Variants in FLT1 observed in about 807,000 individuals in gnomAD.
FLT1 encodes fms related receptor tyrosine kinase 1.
Under a neutral mutation model 156.3 loss-of-function variants are expected in FLT1, and 49 were observed. That is an observed-to-expected ratio of 0.31 (90% confidence interval 0.25 to 0.40). The LOEUF is 0.40. Among genes scored for constraint, FLT1 ranks in the 10% least tolerant of loss-of-function variants. FLT1 has a pLI of 1.00. For synonymous variants in FLT1, 594 were observed against 583.8 expected, an observed-to-expected ratio of 1.02 and a Z score of -0.25; for missense variants, 1,322 against 1,637.2, an observed-to-expected ratio of 0.81 and a Z score of 3.32.
chr13:28,374,427 AAAAAC>A (rs1873753340), intron 14 of FLT1, among the ~76,000 whole-genome samples: 1 of 152,054 alleles, frequency 6.6e-6, no homozygotes, highest in Non-Finnish European at 1.5e-5. Context: ...AAAACAAACA[AAAAAC>A]AAAACAAAAT....
At position 28,433,874 on chromosome 13, in the gene FLT1, G is replaced by T. The variant is rs777250910; in HGVS notation, c.758C>A (p.Thr253Asn). Residue 253 changes from threonine to asparagine, a missense_variant, in exon 6 of 30, where the codon ACT (threonine) becomes AAT (asparagine). Physicochemically the swap from Thr to Asn is moderately conservative, Grantham distance 65. Around this residue, in one of 3 missense-constraint regions of FLT1, gnomAD observed 991 missense variants for 1,254.8 expected, o/e 0.79. Transcript: ENST00000282397. ...LRGHTLVLNC[T>N]ATTPLNTRVQ... is the part of the protein sequence containing the mutation. ...TCTCGTGTTCAAGGGAGTGGTAGCA[G>T]TACAATTGAGGACAAGAGTATGGCC... 8.7e-6 allele frequency: 14 copies of T among 1,613,800 alleles called. No homozygotes were observed. The highest frequency in any genetic ancestry group is 1.3e-5 in the African/African-American group (1 of 75,052).
Position 28,368,038 on chromosome 13 carries a change from G to A in FLT1, c.2117-10353C>T, listed in dbSNP as rs576976254. The A allele has an allele frequency of 7.2e-6, 3 of 414,626 alleles. No homozygotes were observed. The East Asian group carries it at 4.7e-4, about 65-fold the overall frequency. The allele number at this position is 414,626 out of a possible 1,614,324, so 25.7% of individuals were successfully genotyped here. On this transcript the variant is annotated intron_variant, in intron 14 of 29. Transcript: ENST00000282397. Reference sequence around the variant, plus strand: ...TTTTCAAAGGTGAGGATTATGTGTTGCTTATTTTCATTTTCTCTAGAATAT... The same window carrying A: ...TTTTCAAAGGTGAGGATTATGTGTTACTTATTTTCATTTTCTCTAGAATAT...
chr13:28,416,473 A>G (rs931087884), intron 10 of FLT1, among the ~76,000 whole-genome samples: 4 of 152,212 alleles, frequency 2.6e-5, no homozygotes, highest in Admixed American at 2.0e-4. Flanking sequence ...TTGTGCTGGA[A>G]AGCTGCTCAC....
At chr13:28,406,709 A>G (rs554513325) in intron 10 of FLT1, among the ~76,000 whole-genome samples, 3 of 151,996 alleles carry the variant, frequency 2.0e-5, no homozygotes, top group Non-Finnish European at 4.4e-5. Context: ...GCAGTGGTGC[A>G]ATCATAGGTC....
chr13:28,494,473 C>CTCGGGGCCCAGGGCCTCGGCAGTGAT (rs1881642862), intron 1 of FLT1, among the ~76,000 whole-genome samples: 2 of 152,180 alleles, frequency 1.3e-5, no homozygotes, highest in Non-Finnish European at 2.9e-5. Flanking sequence ...GCAGTGAGAC[C>CTCGGGGCCCAGGGCCTCGGCAGTGAT]CCAACCCGAC....
intron 9 of FLT1, 94 bp downstream of exon 9, chr13:28,427,658 A>C: frequency 9.2e-7 from 1 of 1,090,322 alleles, no homozygotes; most frequent in African/African-American, 1.5e-5. Context: ...AAATTTTGCT[A>C]TCTTTGATGT....
intron 18 of FLT1, among the ~76,000 whole-genome samples, chr13:28,330,553 T>TTTTCTATGCA (rs1007528931): frequency 2.0e-5 from 3 of 148,954 alleles, no homozygotes; most frequent in African/African-American, 7.4e-5. Context: ...GTTCAGACCT[T>TTTTCTATGCA]TTTCTATGCA....
chr13:28,310,359 G>A (rs1236041507), intron 27 of FLT1, among the ~76,000 whole-genome samples: 1 of 152,044 alleles, frequency 6.6e-6, no homozygotes, highest in Non-Finnish European at 1.5e-5. Context: ...AGGGAGGGAG[G>A]GTCAGAACTC....
intron 11 of FLT1, among the ~76,000 whole-genome samples, chr13:28,397,316 T>C (rs1342652222): frequency 3.3e-5 from 5 of 152,142 alleles, no homozygotes; most frequent in Non-Finnish European, 7.4e-5. Context: ...TCAGGCTTAT[T>C]TATCTCGTGC....
At chr13:28,474,706 T>C (rs915694935) in intron 1 of FLT1, among the ~76,000 whole-genome samples, 2 of 152,120 alleles carry the variant, frequency 1.3e-5, no homozygotes, top group Non-Finnish European at 2.9e-5. Flanking sequence ...TGGGTTTCTT[T>C]TGGGGGTGAT....
intron 1 of FLT1, among the ~76,000 whole-genome samples, chr13:28,485,900 T>C (rs566502213): frequency 1.1e-4 from 17 of 152,284 alleles, no homozygotes; most frequent in East Asian, 9.6e-4. Flanking sequence ...CCAAGGACTA[T>C]AGATGCATGA....
intron 10 of FLT1, among the ~76,000 whole-genome samples, chr13:28,415,698 G>C (rs1420067693): frequency 6.6e-6 from 1 of 152,094 alleles, no homozygotes; most frequent in African/African-American, 2.4e-5. Flanking sequence ...AATGACAAAA[G>C]CCCATATACT....
intron 1 of FLT1, 134 bp downstream of exon 1, chr13:28,494,646 G>A (rs1228724831): frequency 2.9e-6 from 2 of 679,126 alleles, no homozygotes; most frequent in Non-Finnish European, 5.0e-6. Flanking sequence ...AGTGTCCCAG[G>A]TTCTCGCCGT....
intron 3 of FLT1, among the ~76,000 whole-genome samples, chr13:28,450,086 G>T (rs547753315): frequency 6.6e-6 from 1 of 152,286 alleles, no homozygotes; most frequent in South Asian, 2.1e-4. Flanking sequence ...ATATAAGATT[G>T]AAGCAAGCAA....
At chr13:28,386,465 A>G in intron 13 of FLT1, 1 of 1,045,224 alleles carries the variant, frequency 9.6e-7, no homozygotes, top group East Asian at 5.7e-5. Context: ...ATCTGAAGGC[A>G]AAAAAGTGTG....
intron 3 of FLT1, among the ~76,000 whole-genome samples, chr13:28,443,088 C>A (rs1878423317): frequency 6.6e-6 from 1 of 152,182 alleles, no homozygotes; most frequent in Non-Finnish European, 1.5e-5. Flanking sequence ...ACCAGGGACT[C>A]ATGCCAACAC....
At chr13:28,426,670 G>A (rs1370259917) in intron 10 of FLT1, among the ~76,000 whole-genome samples, 1 of 152,228 alleles carries the variant, frequency 6.6e-6, no homozygotes, top group Non-Finnish European at 1.5e-5. Flanking sequence ...GCCCTCTTAG[G>A]AGGCAGGCAA....
intron 1 of FLT1, among the ~76,000 whole-genome samples, chr13:28,477,393 C>T (rs1880605034): frequency 6.6e-6 from 1 of 152,222 alleles, no homozygotes; most frequent in African/African-American, 2.4e-5. Flanking sequence ...TACTCCTACA[C>T]CGCTGGTCTG....
Position 28,380,143 on chromosome 13 carries a change from C to T in FLT1, c.2116+4742G>A, listed in dbSNP as rs574217791. On this transcript the variant is annotated intron_variant, in intron 14 of 29. Transcript: ENST00000282397. ...TTCAGGGTTTTAAAACTCAGTCAAG[C>T]TGGCTAAAGGCTGAGTATATAACAA... Among the ~76,000 whole-genome samples, 9 of 152,296 alleles carry T rather than the reference C, an allele frequency of 5.9e-5. No individual in the cohort carries two copies. In the East Asian group the frequency reaches 1.7e-3, roughly 29 times the overall value.
Sources: allele counts gnomAD v4.1 joint callset (sites outside exome capture counted in the v4.1 genomes callset), GRCh38; gene constraint gnomAD v4.1.1; regional missense constraint gnomAD v4.1.1; transcripts MANE v1.5; gene names NCBI Gene and HGNC (gene_info 2026-07-23, HGNC 2026-07-21).